COL5A3: variants seen among roughly 807,000 people sequenced by gnomAD.
COL5A3 encodes collagen type V alpha 3 chain, also known as collagen alpha-3(V) chain.
COL5A3 carries 172 observed loss-of-function variants against 250.0 expected under a neutral mutation model. The ratio of observed to expected loss-of-function variants is 0.69; its 90% CI spans 0.61 to 0.78. The LOEUF (loss-of-function observed/expected upper bound fraction) is 0.78, where lower values mean the gene tolerates loss of function less well. COL5A3 is among the 30% of genes least tolerant of loss of function. The probability of loss-of-function intolerance (pLI) is 0.00; values close to 1 mark genes in which losing one functional copy is unlikely to be tolerated. For synonymous variants in COL5A3, 937 were observed against 900.4 expected (o/e 1.04, Z -0.73); for missense variants, 2,340 against 2,334.4 (o/e 1.00, Z -0.05).
At chr19:9,989,562 C>A in intron 24 of COL5A3, 40 bp from the exon 25 acceptor site, 1 of 1,568,874 alleles carries the variant, frequency 6.4e-7, no homozygotes, top group South Asian at 1.2e-5. Flanking sequence ...CAGAGGTGCT[C>A]AGAGCCCTGG....
intron 6 of COL5A3, among the ~76,000 whole-genome samples, 199 bp from the exon 7 acceptor site, chr19:10,002,080 G>A (rs776787104): frequency 2.0e-5 from 3 of 152,190 alleles, no homozygotes; most frequent in Non-Finnish European, 4.4e-5. Flanking sequence ...ACCGTGGATG[G>A]AGGAGGTGCT....
chr19:10,007,795 G>C (rs2145150185), intron 1 of COL5A3, among the ~76,000 whole-genome samples: 1 of 152,194 alleles, frequency 6.6e-6, no homozygotes, highest in East Asian at 1.9e-4. Flanking sequence ...ACTCCTCGGA[G>C]GCCTGTTTCA....
In COL5A3 at chr19:9,969,570, C is replaced by T; in HGVS notation, c.4098+5G>A. The T allele has an allele frequency of 6.2e-7, 1 of 1,611,252 alleles. No homozygotes were observed. Among genetic ancestry groups the T allele is most frequent in the Non-Finnish European group, 8.5e-7 (1 of 1,179,000 alleles). Reference sequence around the variant, plus strand: ...CCTGTCCCACCCCTGCCCCGCTCCACTCACCACAGGGCCAGGGATCCCTCG... The same window carrying T: ...CCTGTCCCACCCCTGCCCCGCTCCATTCACCACAGGGCCAGGGATCCCTCG... On this transcript the variant is annotated splice_donor_5th_base_variant and intron_variant, in intron 56 of 66. Coordinates refer to ENST00000264828, the MANE Select transcript of COL5A3 (RefSeq NM_015719.4).
At chr19:9,987,491 T>C (rs1283837072) in intron 27 of COL5A3, among the ~76,000 whole-genome samples, 2 of 152,042 alleles carry the variant, frequency 1.3e-5, no homozygotes, top group Non-Finnish European at 2.9e-5. Flanking sequence ...AATCCCAACA[T>C]TTTGGGAGGC....
At chr19:9,998,379 T>G (rs532441137) in intron 8 of COL5A3, among the ~76,000 whole-genome samples, 28 of 152,268 alleles carry the variant, frequency 1.8e-4, no homozygotes, top group Admixed American at 1.6e-3. Context: ...ATCCAGAGAC[T>G]GCTGCCCAAT....
chr19:10,009,366 A>G lies in COL5A3; in HGVS notation c.88+932T>C, dbSNP rs2087491877. Among the ~76,000 whole-genome samples, 1 of 152,036 alleles carries G rather than the reference A, an allele frequency of 6.6e-6. No homozygotes were observed. The highest frequency in any genetic ancestry group is 1.5e-5 in the Non-Finnish European group (1 of 67,972). On this transcript the variant is annotated intron_variant, in intron 1 of 66. Transcript: ENST00000264828. This position sits in a 1 kb window ranked among gnomAD's most constrained non-coding sequence, Gnocchi z 4.4. ...CCCTGAGGGGCGGGACAGGGCGCCCAGCCAGATGCGCGCAGCTGGGCGTGC... is the reference window on the plus strand; with the variant it reads ...CCCTGAGGGGCGGGACAGGGCGCCCGGCCAGATGCGCGCAGCTGGGCGTGC...
chr19:10,003,607 T>A lies in COL5A3; in HGVS notation c.807A>T (p.Glu269Asp), dbSNP rs771398594. The A allele has an allele frequency of 1.5e-5, 24 of 1,613,906 alleles. 1 individual carries two copies. The South Asian group carries it at 2.4e-4, about 16-fold the overall frequency. ...RKGKGRKKNK[E>D]IWTSSPPPDS... ...CAGGAGGTGGACTTGAGGTCCAAAT[T>A]TCCTTGTTCTTTTTCCTGCCCTTCC... The change falls in exon 6 of 67, where the codon GAA (glutamate) becomes GAT (aspartate). Residue 269 changes from glutamate to aspartate, a missense_variant. Physicochemically the swap from Glu to Asp is conservative, Grantham distance 45. Coordinates refer to ENST00000264828, the MANE Select transcript of COL5A3 (RefSeq NM_015719.4).
rs1352942970 is a variant in COL5A3, at chr19:9,970,957, CT to C, written c.3882+17del. The C allele has an allele frequency of 6.4e-7, 1 of 1,564,856 alleles. No individual in the cohort carries two copies. The highest frequency in any genetic ancestry group is 8.6e-7 in the Non-Finnish European group (1 of 1,159,008). On this transcript the variant is annotated intron_variant, in intron 53 of 66. Coordinates refer to ENST00000264828, the MANE Select transcript of COL5A3 (RefSeq NM_015719.4). ...CCAACCCCCGCCTCAGCACCACACC[CT>C]CTGTTTTCCCACTCACCGGTCCCCC...
At chr19:9,989,030 C>T (rs1312715464) in intron 27 of COL5A3, 94 bp downstream of exon 27, 2 of 1,335,426 alleles carry the variant, frequency 1.5e-6, no homozygotes, top group Non-Finnish European at 2.2e-6. Flanking sequence ...AACTGATTCC[C>T]CTCTCCACAC....
intron 40 of COL5A3, 120 bp from the exon 41 acceptor site, chr19:9,978,747 G>A (rs953990181): frequency 7.7e-6 from 7 of 911,812 alleles, no homozygotes; most frequent in Non-Finnish European, 1.1e-5. Context: ...GAGCTTTGAG[G>A]GGTCTGCCTT....
chr19:9,989,363 G>A lies in COL5A3; in HGVS notation c.2050C>T (p.His684Tyr), dbSNP rs1013898620. The change falls in exon 26 of 67, where the codon CAC (histidine) becomes TAC (tyrosine). Residue 684 changes from histidine (H) to tyrosine (Y), a missense_variant. By Grantham distance (83) the His-to-Tyr change is moderately conservative. Coordinates refer to ENST00000264828, the MANE Select transcript of COL5A3 (RefSeq NM_015719.4). ...GLPGSDGPLG[H>Y]PGHEGPTGEK... ...CCCGTGGGGCCCTCATGTCCTGGGT[G>A]ACCCTGGGGAAGAAACATTCTCAGT... is the stretch of plus-strand genomic sequence containing the variant. The A allele has an allele frequency of 1.9e-6, 3 of 1,614,154 alleles. No homozygotes were observed. The highest frequency in any genetic ancestry group is 8.5e-7 in the Non-Finnish European group (1 of 1,180,012).
intron 25 of COL5A3, 38 bp downstream of exon 25, chr19:9,989,431 C>G: frequency 6.2e-7 from 1 of 1,613,818 alleles, no homozygotes; most frequent in Non-Finnish European, 8.5e-7. Flanking sequence ...CAAGGCTCCC[C>G]TTTCTCCTTC....
Position 9,995,597 on chromosome 19 carries a change from T to C in COL5A3, c.1554A>G (p.Gly518=). ...EGPQGPRGLQ[G]PHGPPGRVGK... is the part of the protein sequence containing the mutation. ...CCACTCGGCCAGGGGGTCCATGAGG[T>C]CCCTGCAGGCCTCGGGGACCCTAGA... The change falls in exon 16 of 67, where the codon GGA becomes GGG. Residue 518 remains glycine (G), a synonymous_variant. Transcript: ENST00000264828. 6.2e-7 allele frequency: 1 copy of C among 1,605,232 alleles called. No homozygotes were observed. The highest frequency in any genetic ancestry group is 8.5e-7 in the Non-Finnish European group (1 of 1,175,400).
intron 63 of COL5A3, 50 bp from the exon 64 acceptor site, chr19:9,966,476 C>T (rs776638360): frequency 6.4e-7 from 1 of 1,562,112 alleles, no homozygotes; most frequent in South Asian, 1.2e-5. Context: ...ACCCGACGGA[C>T]CCCAACCCCC....
chr19:9,993,197 T>C, intron 19 of COL5A3, 130 bp from the exon 20 acceptor site: 1 of 1,156,288 alleles, frequency 8.6e-7, no homozygotes, highest in Non-Finnish European at 1.3e-6. Context: ...GCAGACTAAG[T>C]TCATGGGATT....
chr19:9,999,469 C>CTTTTTTTTTTTTTTTTTTT (rs530527039), intron 8 of COL5A3, among the ~76,000 whole-genome samples: 2 of 120,400 alleles, frequency 1.7e-5, no homozygotes, highest in African/African-American at 3.4e-5. Context: ...TTTCTTTTTT[C>CTTTTTTTTTTTTTTTTTTT]TTTTTTTTTT....
intron 1 of COL5A3, 81 bp downstream of exon 1, chr19:10,010,211 CGCCCCT>C: frequency 1.4e-6 from 1 of 724,724 alleles, no homozygotes; most frequent in Non-Finnish European, 2.0e-6. Context: ...TTCCCCTCCA[CGCCCCT>C]CCACCCCCCT....
intron 31 of COL5A3, 80 bp from the exon 32 acceptor site, chr19:9,982,198 G>T: frequency 1.0e-6 from 1 of 952,812 alleles, no homozygotes; most frequent in Non-Finnish European, 1.6e-6. Context: ...ACCATCCTTT[G>T]AGGCATTTCC....
chr19:9,985,701 T>C (rs1418117716), intron 31 of COL5A3, 141 bp downstream of exon 31: 3 of 765,068 alleles, frequency 3.9e-6, no homozygotes, highest in Non-Finnish European at 2.2e-6. Context: ...CCACTATGCC[T>C]GGCCAAAGCC....
Sources: gnomAD v4.1 joint callset for allele counts (sites outside exome capture counted in the v4.1 genomes callset) on GRCh38, gnomAD v4.1.1 for gene constraint, Gnocchi (gnomAD v3.1) non-coding constraint, MANE v1.5 for transcripts, NCBI Gene and HGNC (gene_info 2026-07-23, HGNC 2026-07-21) for gene names.